Variants in TASOR2 observed in about 807,000 individuals in gnomAD.
The protein encoded by TASOR2 is protein TASOR 2.
In TASOR2, 84 loss-of-function variants were observed where a neutral mutation model predicts 199.5. The observed-to-expected ratio is 0.42, with a 90% confidence interval of 0.35 to 0.50. The LOEUF (loss-of-function observed/expected upper bound fraction) is 0.50, where lower values mean the gene tolerates loss of function less well. Among genes scored for constraint, TASOR2 ranks in the 20% least tolerant of loss-of-function variants. The pLI is 0.02. For synonymous variants in TASOR2, 1,103 were observed against 1,046.6 expected, an observed-to-expected ratio of 1.05 and a Z score of -1.04; for missense variants, 2,796 against 2,835.9, an observed-to-expected ratio of 0.99 and a Z score of 0.32.
intron 1 of TASOR2, among the ~76,000 whole-genome samples, chr10:5,707,178 T>A (rs1838740777): frequency 6.6e-6 from 1 of 152,204 alleles, no homozygotes; most frequent in African/African-American, 2.4e-5. Flanking sequence ...AAGCCTTCAG[T>A]AAAGTTCCTT....
rs1835770150 is a variant in TASOR2 at position 5,737,397 on chromosome 10, T to A, written c.1447+1851T>A. 6.6e-6 allele frequency among the ~76,000 whole-genome samples: 1 copy of A among 151,908 alleles called. No homozygotes were observed. The highest frequency in any genetic ancestry group is 2.4e-5 in the African/African-American group (1 of 41,340). On this transcript the variant is annotated intron_variant, in intron 12 of 20. Transcript: ENST00000328090. This position sits in a 1 kb window ranked among gnomAD's most constrained non-coding sequence, Gnocchi z 4.9. ...TCATCATGTCATTCAAAAACCCATA[T>A]GCTGCAGTTTTGGCTTCCATACCAG...
rs140600979 is a variant in TASOR2 at position 5,734,716 on chromosome 10, A to ATTT, written c.1205-560_1205-558dup. Among the ~76,000 whole-genome samples, 70 of 54,192 alleles carry ATTT rather than the reference A, an allele frequency of 1.3e-3. 2 individuals carry two copies. Among genetic ancestry groups the ATTT allele is most frequent in the African/African-American group, 4.2e-3 (63 of 14,964 alleles). 35.6% of individuals were successfully genotyped at this position (54,192 alleles called of 152,430 possible). A position where few individuals can be genotyped will look rare whatever the true frequency, so the allele number is the denominator to read the frequency against. ...ACATTAGTCAGGAAAGGTTATGAAG[A>ATTT]TTTTTTTTTTTTTTTTTTTTTTTTT... On this transcript the variant is annotated intron_variant, in intron 11 of 20. Coordinates refer to ENST00000328090, the Ensembl canonical transcript of TASOR2.
rs1837520560 is a variant in TASOR2, at chr10:5,748,380, A to C, written c.4959A>C (p.Ser1653=). Residue 1653 remains serine, a synonymous_variant, in exon 15 of 21, where the codon TCA becomes TCC. Transcript: ENST00000328090. The surrounding 1 kb of genome is among the most constrained non-coding windows in gnomAD (Gnocchi z 5.1). ...ATTCTACACAGGGATGCATGTGCTC[A>C]GTGGTCCCCACGCTTTGTTCTTCCT... The C allele has an allele frequency of 3.7e-6, 6 of 1,614,130 alleles. No homozygotes were observed. The highest frequency in any genetic ancestry group is 4.2e-6 in the Non-Finnish European group (5 of 1,180,054).
intron 8 of TASOR2, among the ~76,000 whole-genome samples, chr10:5,726,191 A>G (rs571446639): frequency 6.6e-6 from 1 of 152,302 alleles, no homozygotes; most frequent in South Asian, 2.1e-4. Flanking sequence ...AAAACTATTA[A>G]ATTCATGATT....
chr10:5,713,863 G>T, intron 2 of TASOR2: 1 of 231,004 alleles, frequency 4.3e-6, no homozygotes. Flanking sequence ...AGTTTTCTTT[G>T]TGCCCCGAAT....
intron 1 of TASOR2, among the ~76,000 whole-genome samples, chr10:5,711,017 A>C (rs1356229400): frequency 1.3e-5 from 2 of 152,138 alleles, no homozygotes; most frequent in Non-Finnish European, 2.9e-5. Context: ...TATTCAGAAT[A>C]TCCCTATTTT....
chr10:5,684,958 G>T (rs572581279), exon 1 of TASOR2: 1 of 397,728 alleles, frequency 2.5e-6, no homozygotes, highest in African/African-American at 2.1e-5. Context: ...CGGCCGCGGC[G>T]TCCCTGTCAG....
chr10:5,755,439 T>C (rs1838793062), intron 15 of TASOR2, among the ~76,000 whole-genome samples: 1 of 151,988 alleles, frequency 6.6e-6, no homozygotes, highest in Non-Finnish European at 1.5e-5. Flanking sequence ...CCAGGCGTGG[T>C]GGCGGGCACC....
At chr10:5,731,484 C>T (rs927798337) in intron 11 of TASOR2, among the ~76,000 whole-genome samples, 2 of 152,236 alleles carry the variant, frequency 1.3e-5, no homozygotes, top group African/African-American at 4.8e-5. Flanking sequence ...GCCGAGATCA[C>T]GCCATTGCGC....
rs1835905559 is a variant in TASOR2, at chr10:5,738,307, A to T, written c.1448-1311A>T. Among the ~76,000 whole-genome samples, 1 of 152,180 alleles carries T rather than the reference A, an allele frequency of 6.6e-6. No homozygotes were observed. Among genetic ancestry groups the T allele is most frequent in the Non-Finnish European group, 1.5e-5 (1 of 68,042 alleles). Reference sequence around the variant, plus strand: ...TGGGTGATTTATGTGAGACTATAATATGTTAAACTACCATTTTTCTTTATT... The same window carrying T: ...TGGGTGATTTATGTGAGACTATAATTTGTTAAACTACCATTTTTCTTTATT... On this transcript the variant is annotated intron_variant, in intron 12 of 20. Coordinates refer to ENST00000328090, the Ensembl canonical transcript of TASOR2. This position sits in a 1 kb window ranked among gnomAD's most constrained non-coding sequence, Gnocchi z 4.7.
At chr10:5,731,634 C>T (rs1448306676) in intron 11 of TASOR2, among the ~76,000 whole-genome samples, 1 of 152,236 alleles carries the variant, frequency 6.6e-6, no homozygotes, top group East Asian at 1.9e-4. Flanking sequence ...TCATTTCTCT[C>T]CAGGCAATTT....
rs1554784463 is a variant in TASOR2 at position 5,762,508 on chromosome 10, G to GATTT, written c.7175-24_7175-23insATTT. 5.4e-4 allele frequency: 266 copies of GATTT among 488,128 alleles called. 4 individuals are homozygous for GATTT. Among genetic ancestry groups the GATTT allele is most frequent in the Middle Eastern group, 1.3e-3 (2 of 1,568 alleles). 30.2% of individuals were successfully genotyped at this position (488,128 alleles called of 1,614,324 possible). ...AGTACATTAATTATATTAACCAAAA[G>GATTT]TTGTTTTTTTTTTTTTTTAACAGAC... On this transcript the variant is annotated intron_variant, in intron 19 of 20. Coordinates refer to ENST00000328090, the Ensembl canonical transcript of TASOR2.
exon 15 of TASOR2, chr10:5,746,688 T>C: frequency 6.2e-7 from 1 of 1,614,160 alleles, no homozygotes; most frequent in Non-Finnish European, 8.5e-7. Context: ...TATCACCTGC[T>C]GCAAGCCTTA....
chr10:5,723,672 T>A lies in TASOR2; in HGVS notation c.147-5T>A. On this transcript the variant is annotated splice_polypyrimidine_tract_variant and splice_region_variant and intron_variant, in intron 6 of 20. Coordinates refer to ENST00000328090, the Ensembl canonical transcript of TASOR2. ...TCTGCTTGATACTGTTGTGTTGTTTTTCAGACCGCAGGAACTAGATTTTAA... is the reference window on the plus strand; with the variant it reads ...TCTGCTTGATACTGTTGTGTTGTTTATCAGACCGCAGGAACTAGATTTTAA... 6.4e-7 allele frequency: 1 copy of A among 1,561,708 alleles called. No individual in the cohort carries two copies. Among genetic ancestry groups the A allele is most frequent in the Non-Finnish European group, 8.7e-7 (1 of 1,148,202 alleles).
In TASOR2 at chr10:5,740,161, C is replaced by T. The variant is rs1368104028; in HGVS notation, c.1991C>T (p.Ser664Leu). ...TATGCCCTGCTCCTTACAGAACATT[C>T]AAAGAAACATCTACAGGAGAGAGAG... The change falls in exon 13 of 21, where the codon TCA becomes TTA. Residue 664 changes from serine to leucine, a missense_variant. This residue lies in a region of TASOR2 where 847 missense variants were observed against 887.4 expected (regional missense o/e 0.95). Coordinates refer to ENST00000328090, the Ensembl canonical transcript of TASOR2. The surrounding 1 kb of genome is among the most constrained non-coding windows in gnomAD (Gnocchi z 5.3). The T allele has an allele frequency of 1.6e-5, 26 of 1,614,088 alleles. No homozygotes were observed. Among genetic ancestry groups the T allele is most frequent in the Non-Finnish European group, 2.1e-5 (25 of 1,180,046 alleles).
At position 5,746,934 on chromosome 10, in the gene TASOR2, A is replaced by G. The variant is rs577975588; in HGVS notation, c.3513A>G (p.Leu1171=). Residue 1171 remains leucine, a synonymous_variant, in exon 15 of 21, where the codon CTA becomes CTG. Transcript: ENST00000328090. The stretch of plus-strand genomic sequence containing the variant: ...CATTAGCTAAAAGTTCTAGTCATCT[A>G]TCACCCAGTGAAGAAGTGAGATGCA... 6.8e-5 allele frequency: 109 copies of G among 1,614,228 alleles called. No individual in the cohort carries two copies. The East Asian group carries it at 1.8e-3, about 27-fold the overall frequency.
intron 14 of TASOR2, among the ~76,000 whole-genome samples, chr10:5,745,383 G>A (rs189931632): frequency 6.6e-6 from 1 of 152,188 alleles, no homozygotes. Context: ...AGTACAGGGG[G>A]TAGTAATTAA....
chr10:5,731,106 C>T (rs936018394), exon 11 of TASOR2: 4 of 1,613,504 alleles, frequency 2.5e-6, no homozygotes, highest in Non-Finnish European at 3.4e-6. Flanking sequence ...TGTGCCGCCC[C>T]TTTCCCAAAA....
chr10:5,761,124 G>GT (rs1413951999), intron 18 of TASOR2, 166 bp from the exon 20 acceptor site: 5 of 577,972 alleles, frequency 8.7e-6, no homozygotes, highest in Non-Finnish European at 1.2e-5. Flanking sequence ...TACAAAAGGA[G>GT]TAGGTACAAT....
Sources: gnomAD v4.1 joint callset for allele counts (sites outside exome capture counted in the v4.1 genomes callset) on GRCh38, gnomAD v4.1.1 for gene constraint, gnomAD v4.1.1 regional missense constraint, Gnocchi (gnomAD v3.1) non-coding constraint, MANE v1.5 for transcripts, NCBI Gene and HGNC (gene_info 2026-07-23, HGNC 2026-07-21) for gene names.